MALRD1: variants seen among roughly 807,000 people sequenced by gnomAD.
MALRD1 encodes MAM and LDL-receptor class A domain-containing protein 1.
MALRD1 carries 247 observed loss-of-function variants against 242.1 expected under a neutral mutation model. That is an observed-to-expected ratio of 1.02 (90% CI 0.92 to 1.13). The LOEUF is 1.13. Ranked by LOEUF, MALRD1 falls within the 50% of genes most tolerant of loss-of-function variation. MALRD1 has a pLI of 0.00. For synonymous variants in MALRD1, 995 were observed against 866.6 expected (o/e 1.15, Z -2.60); for missense variants, 2,989 against 2,533.1 (o/e 1.18, Z -3.86).
At chr10:19,626,016 CA>C (rs1351867943) in intron 36 of MALRD1, among the ~76,000 whole-genome samples, 3 of 151,984 alleles carry the variant, frequency 2.0e-5, no homozygotes, top group African/African-American at 7.2e-5. Flanking sequence ...TCCAAAGTTT[CA>C]AAAAGTCAAT....
At position 19,719,199 on chromosome 10, in the gene MALRD1, T is replaced by TATATATATACAC. The variant is rs1554830393; in HGVS notation, c.6315-11498_6315-11497insCACATATATATA. 1.8e-3 allele frequency among the ~76,000 whole-genome samples: 57 copies of TATATATATACAC among 31,684 alleles called. 2 individuals are homozygous for TATATATATACAC. Among genetic ancestry groups the TATATATATACAC allele is most frequent in the East Asian group, 0.018 (18 of 1,026 alleles). 20.8% of individuals were successfully genotyped at this position (31,684 alleles called of 152,430 possible). A position where few individuals can be genotyped will look rare whatever the true frequency, so the allele number is the denominator to read the frequency against. ...ACATATATATATATATACATACATATATATATATATATACACATACATACA... is the reference window on the plus strand; with the variant it reads ...ACATATATATATATATACATACATATATATATATACACATATATATATATACACATACATACA... On this transcript the variant is annotated intron_variant, in intron 38 of 39. Coordinates refer to ENST00000454679, the MANE Select transcript of MALRD1 (RefSeq NM_001142308.3).
intron 33 of MALRD1, among the ~76,000 whole-genome samples, chr10:19,586,951 G>A (rs545351789): frequency 9.2e-5 from 14 of 152,330 alleles, no homozygotes; most frequent in Admixed American, 6.5e-5. Context: ...TAGGCCCGTC[G>A]GAAAAGCGCA....
chr10:19,067,195 T>A (rs1835007794), intron 2 of MALRD1, among the ~76,000 whole-genome samples: 1 of 152,134 alleles, frequency 6.6e-6, no homozygotes, highest in South Asian at 2.1e-4. Flanking sequence ...AATGGGACAA[T>A]ATACCTAGAT....
At chr10:19,698,489 G>A (rs1054658132) in intron 38 of MALRD1, among the ~76,000 whole-genome samples, 2 of 152,158 alleles carry the variant, frequency 1.3e-5, no homozygotes, top group Non-Finnish European at 2.9e-5. Context: ...ATACTAGGAG[G>A]CAACTGGAAA....
chr10:19,124,554 T>C lies in MALRD1; in HGVS notation c.827T>C (p.Met276Thr), dbSNP rs748274433. The change falls in exon 7 of 40, where the codon ATG becomes ACG. Residue 276 changes from methionine (M) to threonine (T), a missense_variant. Transcript: ENST00000454679. ...CAGGCCTGTGGGTTTGAATTTGACA[T>C]GTGTGAGTGGACGTCAGAAGCATCT... Reference protein sequence around the residue: ...LCQACGFEFDMCEWTSEASAG... With the variant: ...LCQACGFEFDTCEWTSEASAG... The C allele has an allele frequency of 2.7e-5, 33 of 1,233,680 alleles. No individual in the cohort carries two copies. Among genetic ancestry groups the C allele is most frequent in the African/African-American group, 3.1e-5 (2 of 64,448 alleles). 76.4% of individuals were successfully genotyped at this position (1,233,680 alleles called of 1,614,324 possible).
At chr10:19,569,443 C>T (rs951307596) in intron 33 of MALRD1, among the ~76,000 whole-genome samples, 7 of 151,612 alleles carry the variant, frequency 4.6e-5, no homozygotes, top group African/African-American at 1.7e-4. Flanking sequence ...CTTCACCTGT[C>T]TCCAAACTCT....
At chr10:19,280,276 A>G in intron 20 of MALRD1, 53 bp downstream of exon 20, 1 of 1,352,580 alleles carries the variant, frequency 7.4e-7, no homozygotes. Flanking sequence ...AGAAAATGCA[A>G]GTGTAATCTC....
intron 31 of MALRD1, among the ~76,000 whole-genome samples, chr10:19,502,021 A>AAAAG (rs1554787106): frequency 8.8e-6 from 1 of 114,088 alleles, no homozygotes; most frequent in Non-Finnish European, 1.7e-5. Flanking sequence ...TCAAAAAAAA[A>AAAAG]AAAAGAAAAG....
At chr10:19,681,489 G>C (rs770326565) in intron 36 of MALRD1, among the ~76,000 whole-genome samples, 21 of 152,156 alleles carry the variant, frequency 1.4e-4, no homozygotes, top group African/African-American at 5.1e-4. Flanking sequence ...TTCTTGTGTT[G>C]TGTTTTTTCT....
intron 33 of MALRD1, among the ~76,000 whole-genome samples, chr10:19,567,995 G>C (rs971812770): frequency 7.9e-5 from 12 of 152,042 alleles, no homozygotes; most frequent in Non-Finnish European, 1.3e-4. Context: ...ATTCCCAAAG[G>C]TTCACAAGAA....
At chr10:19,534,832 TAAAG>T (rs749244822) in intron 32 of MALRD1, among the ~76,000 whole-genome samples, 5 of 151,924 alleles carry the variant, frequency 3.3e-5, no homozygotes, top group African/African-American at 9.7e-5. Context: ...TGTAATGAAA[TAAAG>T]ATAGATATAT....
intron 32 of MALRD1, among the ~76,000 whole-genome samples, chr10:19,548,095 G>A (rs189347754): frequency 3.5e-5 from 5 of 141,456 alleles, no homozygotes; most frequent in Admixed American, 2.3e-4. Flanking sequence ...CCACCTCCCA[G>A]TTCAGGCAAT....
rs1347868964 is a variant in MALRD1 at position 19,203,381 on chromosome 10, C to A, written c.1952-347C>A. ...ACCCTGCAGGAACAATGATGCCTCC[C>A]AGCTGATGTAACAGTAGCAGGGAAA... On this transcript the variant is annotated intron_variant, in intron 14 of 39. Transcript: ENST00000454679. 2.0e-5 allele frequency among the ~76,000 whole-genome samples: 3 copies of A among 152,028 alleles called. No homozygotes were observed. In the East Asian group the frequency reaches 5.8e-4, roughly 29 times the overall value.
At chr10:19,164,360 A>G (rs1834577063) in intron 12 of MALRD1, among the ~76,000 whole-genome samples, 1 of 152,214 alleles carries the variant, frequency 6.6e-6, no homozygotes, top group African/African-American at 2.4e-5. Context: ...TGGCTTGCCT[A>G]TATATACACT....
intron 17 of MALRD1, among the ~76,000 whole-genome samples, chr10:19,207,323 C>A (rs1018799175): frequency 3.9e-5 from 6 of 152,198 alleles, no homozygotes; most frequent in South Asian, 4.1e-4. Flanking sequence ...AAAATTGACA[C>A]GTTCCTATAT....
At chr10:19,549,788 C>A (rs1052235713) in intron 32 of MALRD1, among the ~76,000 whole-genome samples, 6 of 152,098 alleles carry the variant, frequency 3.9e-5, no homozygotes, top group Non-Finnish European at 5.9e-5. Flanking sequence ...GCAGTGGAAA[C>A]TGAAATTTAA....
intron 21 of MALRD1, chr10:19,290,208 G>A (rs1841341700): frequency 6.6e-6 from 1 of 152,146 alleles, no homozygotes; most frequent in Admixed American, 6.5e-5. Flanking sequence ...TACATCAGAA[G>A]TGAACTCTGT....
intron 36 of MALRD1, among the ~76,000 whole-genome samples, chr10:19,622,356 G>GA (rs890861984): frequency 6.6e-6 from 1 of 151,288 alleles, no homozygotes; most frequent in Admixed American, 6.6e-5. Flanking sequence ...AGGAAAAAAT[G>GA]AAAAAACTCT....
Position 19,436,650 on chromosome 10 carries a change from C to T in MALRD1, c.4846-13657C>T, listed in dbSNP as rs569613521. On this transcript the variant is annotated intron_variant, in intron 28 of 39. Coordinates refer to ENST00000454679, the MANE Select transcript of MALRD1 (RefSeq NM_001142308.3). ...GACTCCATCTCATTTCCCCATTTTC[C>T]TAGGTCAATATCTTATTTCCACTCA... Among the ~76,000 whole-genome samples the T allele has an allele frequency of 7.9e-5, 12 of 152,178 alleles. No homozygotes were observed. The South Asian group carries it at 2.5e-3, about 32-fold the overall frequency.
Sources: gnomAD v4.1 joint callset for allele counts (sites outside exome capture counted in the v4.1 genomes callset) on GRCh38, gnomAD v4.1.1 for gene constraint, MANE v1.5 for transcripts, NCBI Gene and HGNC (gene_info 2026-07-23, HGNC 2026-07-21) for gene names.